CTSE: variants seen among roughly 807,000 people sequenced by gnomAD.
CTSE encodes the protein erythrocyte membrane aspartic proteinase.
A neutral mutation model predicts 42.8 loss-of-function variants in CTSE; 43 were observed. The observed-to-expected ratio is 1.01, with a 90% CI of 0.79 to 1.30. The LOEUF is 1.30. Among genes scored for constraint, CTSE ranks in the 50% most tolerant of loss-of-function variants. CTSE has a pLI of 0.00. For synonymous variants in CTSE, 205 were observed against 191.5 expected (o/e 1.07, Z -0.58); for missense variants, 532 against 493.5 (o/e 1.08, Z -0.74).
rs572870573 is a variant in CTSE, at chr1:206,010,248, G to T, written c.1126C>A (p.Arg376=). The T allele has an allele frequency of 5.0e-6, 8 of 1,613,722 alleles. No individual in the cohort carries two copies. The highest frequency in any genetic ancestry group is 6.8e-6 in the Non-Finnish European group (8 of 1,179,774). The change falls in exon 9 of 9, where the codon CGA becomes AGA. Residue 376 remains arginine (R), a synonymous_variant. Coordinates refer to ENST00000358184, the MANE Select transcript of CTSE (RefSeq NM_001910.4). ...PLWILGDVFI[R]QFYSVFDRGN... is the part of the protein sequence containing the mutation. ...CGGTCAAAGACTGAGTAAAACTGTC[G>T]AATGAAGACATCCCCCAGGATCCAG...
chr1:206,013,735 C>T, intron 6 of CTSE, 37 bp downstream of exon 6: 1 of 1,607,364 alleles, frequency 6.2e-7, no homozygotes, highest in Non-Finnish European at 8.5e-7. Context: ...TTTCAGTTTA[C>T]CCCTAGTACT....
At chr1:206,015,403 C>T (rs1661234125) in intron 5 of CTSE, among the ~76,000 whole-genome samples, 1 of 152,098 alleles carries the variant, frequency 6.6e-6, no homozygotes, top group Admixed American at 6.5e-5. Context: ...CTTTTTGTGA[C>T]TAGCTTATTT....
intron 1 of CTSE, 143 bp from the exon 2 acceptor site, chr1:206,023,200 G>A (rs1324318576): frequency 2.4e-6 from 2 of 850,844 alleles, no homozygotes; most frequent in East Asian, 5.3e-5. Flanking sequence ...ATACAGGTGG[G>A]ATCAGCGTCC....
Position 206,023,750 on chromosome 1 carries a change from C to T in CTSE, c.42G>A (p.Leu14=). 6.2e-7 allele frequency: 1 copy of T among 1,613,800 alleles called. No individual in the cohort carries two copies. The highest frequency in any genetic ancestry group is 8.5e-7 in the Non-Finnish European group (1 of 1,179,810). ...TGTGAAGGGATCCTTGGGCCTCTCC[C>T]AGCTCCAGGAGCACCAGCAGCAAAA... ...LLLLLLVLLE[L]GEAQGSLHRV... The change falls in exon 1 of 9, where the codon CTG becomes CTA. Residue 14 remains leucine (L), a synonymous_variant. Transcript: ENST00000358184.
chr1:206,023,353 A>G (rs1553278781), intron 1 of CTSE, among the ~76,000 whole-genome samples: 1 of 151,850 alleles, frequency 6.6e-6, no homozygotes, highest in Non-Finnish European at 1.5e-5. Context: ...TTTTACATGA[A>G]CATCACGAAG....
chr1:206,010,002 T>G lies in CTSE; in HGVS notation c.*181A>C. 1.6e-6 allele frequency: 1 copy of G among 619,304 alleles called. No individual in the cohort carries two copies. The highest frequency in any genetic ancestry group is 2.9e-6 in the Non-Finnish European group (1 of 347,518). The allele number at this position is 619,304 out of a possible 1,614,324, so 38.4% of individuals were successfully genotyped here. On this transcript the variant is annotated 3_prime_UTR_variant, in exon 9 of 9. Coordinates refer to ENST00000358184, the MANE Select transcript of CTSE (RefSeq NM_001910.4). Reference sequence around the variant, plus strand: ...GGGAGTGGTGTGTATGTGTGAAGTGTGTGTGTGTGTATATGTGTGTGTGTG... The same window carrying G: ...GGGAGTGGTGTGTATGTGTGAAGTGGGTGTGTGTGTATATGTGTGTGTGTG...
intron 4 of CTSE, 68 bp downstream of exon 4, chr1:206,020,981 T>C (rs1267742965): frequency 2.6e-6 from 3 of 1,171,644 alleles, no homozygotes; most frequent in Non-Finnish European, 3.8e-6. Flanking sequence ...AGATTTGAAA[T>C]GTAAGACCTC....
At chr1:206,016,215 C>A in intron 4 of CTSE, 85 bp from the exon 5 acceptor site, 1 of 1,295,170 alleles carries the variant, frequency 7.7e-7, no homozygotes, top group Non-Finnish European at 1.1e-6. Flanking sequence ...TTTCCTCTGT[C>A]TTGAAGCTAA....
intron 5 of CTSE, chr1:206,014,173 G>C (rs1399363613): frequency 8.0e-6 from 3 of 373,124 alleles, no homozygotes; most frequent in Non-Finnish European, 1.5e-5. Context: ...CAGCAGGTCT[G>C]TCATTCAGAA....
intron 5 of CTSE, 133 bp from the exon 6 acceptor site, chr1:206,014,027 G>C: frequency 1.0e-6 from 1 of 966,414 alleles, no homozygotes; most frequent in Admixed American, 2.2e-5. Context: ...TCTGGGCTTT[G>C]AGACCGGGAC....
intron 5 of CTSE, among the ~76,000 whole-genome samples, chr1:206,014,605 C>T (rs979522192): frequency 1.3e-5 from 2 of 151,926 alleles, no homozygotes; most frequent in African/African-American, 4.8e-5. Context: ...GGTGCAAGGC[C>T]GTGTAGTGGG....
intron 6 of CTSE, among the ~76,000 whole-genome samples, chr1:206,013,117 C>CT (rs112196081): frequency 0.28 from 42,193 of 151,680 alleles, 7,905 homozygotes; most frequent in African/African-American, 0.53. Flanking sequence ...TGCCTGGTAC[C>CT]TTGCAGGAAC....
rs561945592 is a variant in CTSE at position 206,013,942 on chromosome 1, T to C, written c.663-48A>G. 1.6e-5 allele frequency: 26 copies of C among 1,604,182 alleles called. 1 individual carries two copies. In the South Asian group the frequency reaches 2.7e-4, roughly 16 times the overall value. On this transcript the variant is annotated intron_variant, in intron 5 of 8. Coordinates refer to ENST00000358184, the MANE Select transcript of CTSE (RefSeq NM_001910.4). ...TGTCCAGGAAGGGCCACTGCAAAAC[T>C]CTAGGGGTGAGCCTCAGCTAGGACC...
chr1:206,019,919 T>C (rs1442890598), intron 4 of CTSE, among the ~76,000 whole-genome samples: 2 of 143,266 alleles, frequency 1.4e-5, no homozygotes, highest in African/African-American at 5.1e-5. Flanking sequence ...TAATATATTA[T>C]ATAACACATA....
At chr1:206,020,947 C>T in intron 4 of CTSE, 102 bp downstream of exon 4, 1 of 850,294 alleles carries the variant, frequency 1.2e-6, no homozygotes, top group Non-Finnish European at 2.0e-6. Flanking sequence ...AGTGCTAACC[C>T]CTGTTTCCAC....
chr1:206,019,039 G>T (rs910634913), intron 4 of CTSE, among the ~76,000 whole-genome samples: 1 of 151,998 alleles, frequency 6.6e-6, no homozygotes, highest in Non-Finnish European at 1.5e-5. Flanking sequence ...TGCATTTTAG[G>T]CTAAATGGTC....
chr1:206,019,503 T>C (rs1553278081), intron 4 of CTSE, among the ~76,000 whole-genome samples: 1 of 151,860 alleles, frequency 6.6e-6, no homozygotes, highest in African/African-American at 2.4e-5. Flanking sequence ...GCAGCTGACA[T>C]TGCTGTGGGC....
chr1:206,015,882 T>C, intron 5 of CTSE, 49 bp downstream of exon 5: 1 of 1,555,860 alleles, frequency 6.4e-7, no homozygotes, highest in Non-Finnish European at 8.8e-7. Flanking sequence ...ATGTGTTGTC[T>C]CCCTGTAGTT....
At chr1:206,014,048 G>T in intron 5 of CTSE, 154 bp from the exon 6 acceptor site, 2 of 760,936 alleles carry the variant, frequency 2.6e-6, no homozygotes, top group Non-Finnish European at 4.3e-6. Context: ...TCTGACTACT[G>T]CAAGTGAATT....
Sources: gnomAD v4.1 joint callset for allele counts (sites outside exome capture counted in the v4.1 genomes callset) on GRCh38, gnomAD v4.1.1 for gene constraint, MANE v1.5 for transcripts, NCBI Gene and HGNC (gene_info 2026-07-23, HGNC 2026-07-21) for gene names.